MACROD2: variants seen among roughly 807,000 people sequenced by gnomAD.
MACROD2 encodes mono-ADP ribosylhydrolase 2.
In MACROD2, 36 loss-of-function variants were observed where a neutral mutation model predicts 70.4. The ratio of observed to expected loss-of-function variants is 0.51; its 90% CI spans 0.39 to 0.68. MACROD2 has a LOEUF of 0.68. Among genes scored for constraint, MACROD2 ranks in the 30% least tolerant of loss-of-function variants. MACROD2 has a pLI of 0.00. For missense variants in MACROD2, 496 were observed against 538.4 expected, an observed-to-expected ratio of 0.92 and a Z score of 0.78; for synonymous variants, 172 against 178.8, an observed-to-expected ratio of 0.96 and a Z score of 0.30.
intron 8 of MACROD2, among the ~76,000 whole-genome samples, chr20:15,717,874 G>A (rs1290481388): frequency 6.6e-6 from 1 of 152,148 alleles, no homozygotes; most frequent in South Asian, 2.1e-4. Flanking sequence ...GTGAACAGAA[G>A]CAATAGCTGG....
At chr20:14,366,314 T>A (rs768914679) in intron 3 of MACROD2, among the ~76,000 whole-genome samples, 12 of 151,990 alleles carry the variant, frequency 7.9e-5, no homozygotes, top group Non-Finnish European at 1.0e-4. Context: ...AATTTTTTTA[T>A]CTTCTTTATA....
chr20:15,801,200 A>G (rs3855684), intron 8 of MACROD2, among the ~76,000 whole-genome samples: 9,606 of 137,254 alleles, frequency 0.07, 860 homozygotes, highest in African/African-American at 0.21. Context: ...AAAAAAAAAA[A>G]AAAACGAAAA....
intron 5 of MACROD2, among the ~76,000 whole-genome samples, chr20:14,772,801 C>T (rs772348406): frequency 5.9e-5 from 9 of 152,160 alleles, no homozygotes; most frequent in Non-Finnish European, 1.3e-4. Flanking sequence ...CCCCCAGTGA[C>T]ATAAAAGAGA....
At chr20:15,989,472 T>A (rs1190818643) in intron 15 of MACROD2, among the ~76,000 whole-genome samples, 2 of 152,186 alleles carry the variant, frequency 1.3e-5, no homozygotes, top group Admixed American at 1.3e-4. Flanking sequence ...TATCTCAATC[T>A]TCCATTTGAG....
intron 5 of MACROD2, among the ~76,000 whole-genome samples, chr20:14,752,401 C>T (rs1011415916): frequency 6.6e-6 from 1 of 151,914 alleles, no homozygotes; most frequent in African/African-American, 2.4e-5. Flanking sequence ...TAAGACTCAT[C>T]CTCAACACTT....
At chr20:14,123,682 C>G (rs886412428) in intron 3 of MACROD2, among the ~76,000 whole-genome samples, 6 of 152,112 alleles carry the variant, frequency 3.9e-5, no homozygotes, top group African/African-American at 1.4e-4. Flanking sequence ...AGAAAGGTAG[C>G]ATTTCTGGCC....
intron 5 of MACROD2, among the ~76,000 whole-genome samples, chr20:14,921,146 G>A (rs934950518): frequency 6.6e-6 from 1 of 152,150 alleles, no homozygotes; most frequent in African/African-American, 2.4e-5. Context: ...CCAGTCTATT[G>A]GATCTGTGTA....
At chr20:15,643,389 A>G (rs1020443384) in intron 8 of MACROD2, among the ~76,000 whole-genome samples, 23 of 152,192 alleles carry the variant, frequency 1.5e-4, no homozygotes, top group African/African-American at 5.3e-4. Flanking sequence ...TTGAAATGTC[A>G]TTTCCTTAAA....
intron 4 of MACROD2, among the ~76,000 whole-genome samples, chr20:14,632,730 T>G (rs946161833): frequency 6.6e-6 from 1 of 152,230 alleles, no homozygotes; most frequent in Non-Finnish European, 1.5e-5. Flanking sequence ...TAAATTGAGA[T>G]GTTTTTGAAA....
intron 5 of MACROD2, among the ~76,000 whole-genome samples, chr20:14,961,475 C>T (rs2074582717): frequency 6.6e-6 from 1 of 152,164 alleles, no homozygotes; most frequent in Non-Finnish European, 1.5e-5. Context: ...TATTCAAATA[C>T]ACGAACATTA....
chr20:14,373,257 A>G (rs1424241201), intron 3 of MACROD2, among the ~76,000 whole-genome samples: 2 of 152,146 alleles, frequency 1.3e-5, no homozygotes, highest in Non-Finnish European at 1.5e-5. Flanking sequence ...ATGTGATTAT[A>G]TATCTGGTAA....
At chr20:15,183,270 C>A (rs2076512516) in intron 5 of MACROD2, among the ~76,000 whole-genome samples, 1 of 152,116 alleles carries the variant, frequency 6.6e-6, no homozygotes, top group East Asian at 1.9e-4. Context: ...TATGATGGCT[C>A]ACTCCTATAA....
rs1470084846 is a variant in MACROD2 at position 14,325,711 on chromosome 20, A to C, written c.272-167768A>C. Reference sequence around the variant, plus strand: ...CTCCTTCGAGATGGGTTCATTGCTTATTGGTAACATCTGAAAAGAAGTTTC... The same window carrying C: ...CTCCTTCGAGATGGGTTCATTGCTTCTTGGTAACATCTGAAAAGAAGTTTC... On this transcript the variant is annotated intron_variant, in intron 3 of 17. Coordinates refer to ENST00000684519, the MANE Select transcript of MACROD2 (RefSeq NM_001351661.2). 3 of 1,613,936 alleles carry C rather than the reference A, an allele frequency of 1.9e-6. No individual in the cohort carries two copies. In the Admixed American group the frequency reaches 5.0e-5, roughly 27 times the overall value.
At chr20:15,813,132 C>G (rs569832785) in intron 8 of MACROD2, among the ~76,000 whole-genome samples, 2 of 152,146 alleles carry the variant, frequency 1.3e-5, no homozygotes, top group South Asian at 4.2e-4. Context: ...TTAGCATGCA[C>G]CAACCCCTCC....
chr20:14,831,330 G>A (rs1267267732), intron 5 of MACROD2, among the ~76,000 whole-genome samples: 2 of 152,068 alleles, frequency 1.3e-5, no homozygotes, highest in East Asian at 3.9e-4. Context: ...CAGTTTTATC[G>A]ACGTGACTGT....
intron 5 of MACROD2, among the ~76,000 whole-genome samples, chr20:15,134,374 A>T (rs1484961747): frequency 1.3e-5 from 2 of 151,778 alleles, no homozygotes; most frequent in Non-Finnish European, 2.9e-5. Context: ...TGTCTCTCAG[A>T]CCACAGTGCA....
chr20:14,023,681 G>C (rs1055996828), intron 2 of MACROD2, among the ~76,000 whole-genome samples: 4 of 151,900 alleles, frequency 2.6e-5, no homozygotes, highest in African/African-American at 9.7e-5. Flanking sequence ...TGCTTGTTTA[G>C]TCAGGTTTGT....
chr20:14,294,735 C>T (rs2122463694), intron 3 of MACROD2, among the ~76,000 whole-genome samples: 1 of 151,834 alleles, frequency 6.6e-6, no homozygotes. Context: ...ATTTTCAGAG[C>T]TCATAAATTA....
chr20:14,162,334 A>G (rs1466525606), intron 3 of MACROD2, among the ~76,000 whole-genome samples: 1 of 152,214 alleles, frequency 6.6e-6, no homozygotes, highest in Admixed American at 6.5e-5. Flanking sequence ...TGAGAAGAAC[A>G]TTTATTCTGT....
Sources: allele counts gnomAD v4.1 joint callset (sites outside exome capture counted in the v4.1 genomes callset), GRCh38; gene constraint gnomAD v4.1.1; transcripts MANE v1.5; gene names NCBI Gene and HGNC (gene_info 2026-07-23, HGNC 2026-07-21).